Variants in PIP4K2A observed in about 807,000 individuals in gnomAD.
PIP4K2A encodes phosphatidylinositol 5-phosphate 4-kinase type-2 alpha.
Under a neutral mutation model 42.9 loss-of-function variants are expected in PIP4K2A, and 14 were observed. The ratio of observed to expected loss-of-function variants is 0.33; its 90% CI spans 0.22 to 0.51. The LOEUF is 0.51. Ranked by LOEUF, PIP4K2A falls within the 20% of genes least tolerant of loss-of-function variation. The probability of loss-of-function intolerance (pLI) is 0.97; values close to 1 mark genes in which losing one functional copy is unlikely to be tolerated. For missense variants in PIP4K2A, 434 were observed against 519.8 expected (o/e 0.83, Z 1.61); for synonymous variants, 192 against 192.2 (o/e 1.00, Z 0.01).
At chr10:22,594,039 T>A (rs948215624) in intron 3 of PIP4K2A, among the ~76,000 whole-genome samples, 7 of 152,178 alleles carry the variant, frequency 4.6e-5, no homozygotes, top group Non-Finnish European at 1.0e-4. Flanking sequence ...AGCAACTGAA[T>A]CACCCAGGGA....
chr10:22,540,539 G>A (rs1304493796), intron 8 of PIP4K2A, among the ~76,000 whole-genome samples: 1 of 152,098 alleles, frequency 6.6e-6, no homozygotes, highest in Non-Finnish European at 1.5e-5. Flanking sequence ...ACTGGATAAA[G>A]GCATACATCC....
Position 22,597,788 on chromosome 10 carries a change from A to G in PIP4K2A, c.340-6007T>C, listed in dbSNP as rs147223706. On this transcript the variant is annotated intron_variant, in intron 3 of 9. Coordinates refer to ENST00000376573, the MANE Select transcript of PIP4K2A (RefSeq NM_005028.5). ...TTCTCTTCTCAATCACCTAATTTAA[A>G]AGGGCAAATCTGAGATGAAGCTGAT... 5.3e-3 allele frequency among the ~76,000 whole-genome samples: 806 copies of G among 152,260 alleles called. 10 individuals are homozygous for G. Among genetic ancestry groups the G allele is most frequent in the African/African-American group, 0.018 (761 of 41,566 alleles).
At chr10:22,623,522 T>A (rs1838375702) in intron 1 of PIP4K2A, among the ~76,000 whole-genome samples, 2 of 152,122 alleles carry the variant, frequency 1.3e-5, no homozygotes, top group East Asian at 1.9e-4. Flanking sequence ...GTCTGACGAA[T>A]GCCCTCCTCA....
Position 22,535,788 on chromosome 10 carries a change from A to ACAAT in PIP4K2A, c.*1409_*1412dup, listed in dbSNP as rs1406488487. ...TTGGAAATTTATAACTTGATTAAAA[A>ACAAT]CAATCAGCACAGTTTAGGGCAATGA... On this transcript the variant is annotated 3_prime_UTR_variant, in exon 10 of 10. Coordinates refer to ENST00000376573, the MANE Select transcript of PIP4K2A (RefSeq NM_005028.5). The ACAAT allele has an allele frequency of 1.5e-4, 37 of 249,194 alleles. 1 individual carries two copies. The highest frequency in any genetic ancestry group is 3.1e-4 in the African/African-American group (14 of 45,644). 15.4% of individuals were successfully genotyped at this position (249,194 alleles called of 1,614,324 possible). A position where few individuals can be genotyped will look rare whatever the true frequency, so the allele number is the denominator to read the frequency against.
chr10:22,555,633 T>C (rs146762332), intron 6 of PIP4K2A, among the ~76,000 whole-genome samples: 326 of 152,274 alleles, frequency 2.1e-3, no homozygotes, highest in African/African-American at 6.6e-3. Context: ...ACCTATGTAA[T>C]AGGGTTAGTG....
In PIP4K2A at chr10:22,607,961, C is replaced by T; in HGVS notation, c.305G>A (p.Arg102Gln). The T allele has an allele frequency of 1.9e-6, 3 of 1,613,316 alleles. No homozygotes were observed. Among genetic ancestry groups the T allele is most frequent in the East Asian group, 2.2e-5 (1 of 44,872 alleles). The change falls in exon 3 of 10, where the codon CGG becomes CAG. Residue 102 changes from arginine to glutamine, a missense_variant. Physicochemically the swap from Arg to Gln is conservative, Grantham distance 43. Transcript: ENST00000376573. ...TTGATCATCAATTCCAAACCTCTCC[C>T]GCAGGTTACGGAAGACCATCGGGCA... ...EYCPMVFRNLRERFGIDDQDF... is the reference protein window; with the variant it reads ...EYCPMVFRNLQERFGIDDQDF...
At chr10:22,684,311 A>G (rs1466292514) in intron 1 of PIP4K2A, among the ~76,000 whole-genome samples, 2 of 152,184 alleles carry the variant, frequency 1.3e-5, no homozygotes, top group African/African-American at 2.4e-5. Flanking sequence ...ACTAACAGTT[A>G]ATACTAGGTA....
chr10:22,713,588 C>T (rs536453292), intron 1 of PIP4K2A, among the ~76,000 whole-genome samples: 17 of 152,362 alleles, frequency 1.1e-4, no homozygotes, highest in Admixed American at 2.6e-4. Flanking sequence ...AAAAAGCCGA[C>T]TTGTGCCCAG....
chr10:22,620,909 T>C (rs1838314584), intron 1 of PIP4K2A, among the ~76,000 whole-genome samples: 2 of 152,218 alleles, frequency 1.3e-5, no homozygotes, highest in Non-Finnish European at 2.9e-5. Flanking sequence ...AAGTGTTTCA[T>C]TTATGTGGAT....
At chr10:22,572,088 G>C (rs1020978777) in intron 5 of PIP4K2A, among the ~76,000 whole-genome samples, 2 of 152,030 alleles carry the variant, frequency 1.3e-5, no homozygotes, top group Non-Finnish European at 2.9e-5. Context: ...AAAAGCTTTC[G>C]AGTGTCCTCT....
chr10:22,603,076 T>C (rs895082791), intron 3 of PIP4K2A, among the ~76,000 whole-genome samples: 1 of 152,248 alleles, frequency 6.6e-6, no homozygotes, highest in African/African-American at 2.4e-5. Flanking sequence ...CTTTAGAATT[T>C]TATTTCTAAA....
chr10:22,639,914 A>G (rs1348145749), intron 1 of PIP4K2A, among the ~76,000 whole-genome samples: 1 of 152,088 alleles, frequency 6.6e-6, no homozygotes, highest in African/African-American at 2.4e-5. Context: ...GCTGAATTTC[A>G]TCCAATTTCC....
chr10:22,662,236 T>A (rs1476620756), intron 1 of PIP4K2A, among the ~76,000 whole-genome samples: 1 of 152,214 alleles, frequency 6.6e-6, no homozygotes, highest in Non-Finnish European at 1.5e-5. Flanking sequence ...AATCTAGGCA[T>A]CCCCATTCTT....
chr10:22,549,512 C>A (rs1836345612), intron 7 of PIP4K2A, among the ~76,000 whole-genome samples: 1 of 152,172 alleles, frequency 6.6e-6, no homozygotes, highest in African/African-American at 2.4e-5. Flanking sequence ...CTAATTCCCA[C>A]TGCATTGTTT....
chr10:22,549,804 G>A (rs1395713068), intron 7 of PIP4K2A, among the ~76,000 whole-genome samples: 1 of 125,104 alleles, frequency 8.0e-6, no homozygotes, highest in Non-Finnish European at 1.6e-5. Flanking sequence ...TCGCGCCACT[G>A]CACTCCAGCC....
Position 22,604,888 on chromosome 10 carries a change from G to A in PIP4K2A, c.339+3039C>T, listed in dbSNP as rs149563310. On this transcript the variant is annotated intron_variant, in intron 3 of 9. Coordinates refer to ENST00000376573, the MANE Select transcript of PIP4K2A (RefSeq NM_005028.5). ...CTGGGCAGTAACAATGTGCCAGGCAGCTGAAGCCCCAGGTCCTGGCCCCTG... is the reference window on the plus strand; with the variant it reads ...CTGGGCAGTAACAATGTGCCAGGCAACTGAAGCCCCAGGTCCTGGCCCCTG... Among the ~76,000 whole-genome samples, 3 of 152,346 alleles carry A rather than the reference G, an allele frequency of 2.0e-5. No homozygotes were observed. In the East Asian group the frequency reaches 5.8e-4, roughly 29 times the overall value.
intron 6 of PIP4K2A, among the ~76,000 whole-genome samples, chr10:22,565,173 T>C (rs1035430397): frequency 6.6e-6 from 1 of 152,160 alleles, no homozygotes; most frequent in Non-Finnish European, 1.5e-5. Context: ...TCACCCACTT[T>C]CCTGTCTCTG....
intron 1 of PIP4K2A, among the ~76,000 whole-genome samples, chr10:22,636,632 G>C (rs1838670350): frequency 6.6e-6 from 1 of 151,868 alleles, no homozygotes; most frequent in Non-Finnish European, 1.5e-5. Flanking sequence ...CTTTCTGAAA[G>C]TTTACAGCCT....
intron 1 of PIP4K2A, among the ~76,000 whole-genome samples, chr10:22,706,075 A>C (rs898359734): frequency 6.6e-6 from 1 of 152,096 alleles, no homozygotes; most frequent in Admixed American, 6.6e-5. Flanking sequence ...TATCACGAGA[A>C]TACGATGGGG....
Sources: allele counts gnomAD v4.1 joint callset (sites outside exome capture counted in the v4.1 genomes callset), GRCh38; gene constraint gnomAD v4.1.1; transcripts MANE v1.5; gene names NCBI Gene and HGNC (gene_info 2026-07-23, HGNC 2026-07-21).